JARID2: variants seen among roughly 807,000 people sequenced by gnomAD.
JARID2 encodes protein Jumonji.
A neutral mutation model predicts 125.6 loss-of-function variants in JARID2; 21 were observed. The ratio of observed to expected loss-of-function variants is 0.17; its 90% CI spans 0.12 to 0.24. JARID2 has a LOEUF of 0.24. Among genes scored for constraint, JARID2 ranks in the 10% least tolerant of loss-of-function variants. The pLI, the probability that JARID2 is intolerant of heterozygous loss-of-function variation, is 1.00. For synonymous variants in JARID2, 736 were observed against 661.6 expected (o/e 1.11, Z -1.73); for missense variants, 1,303 against 1,639.6 (o/e 0.79, Z 3.55).
intron 1 of JARID2, among the ~76,000 whole-genome samples, chr6:15,364,263 T>C (rs2127499235): frequency 6.6e-6 from 1 of 152,298 alleles, no homozygotes; most frequent in East Asian, 1.9e-4. Flanking sequence ...GCCGTAATTC[T>C]AACCAGCCCT....
chr6:15,288,901 A>T (rs984803582), intron 1 of JARID2, among the ~76,000 whole-genome samples: 4 of 152,238 alleles, frequency 2.6e-5, no homozygotes, highest in Non-Finnish European at 4.4e-5. Flanking sequence ...TAAAGCAGCT[A>T]GTAAGCTCTG....
intron 1 of JARID2, among the ~76,000 whole-genome samples, chr6:15,321,018 G>A (rs1319668020): frequency 6.6e-6 from 1 of 152,028 alleles, no homozygotes; most frequent in Non-Finnish European, 1.5e-5. Context: ...TGTATCATAT[G>A]AATGATTTCA....
At chr6:15,283,048 G>T (rs1760823373) in intron 1 of JARID2, among the ~76,000 whole-genome samples, 1 of 151,434 alleles carries the variant, frequency 6.6e-6, no homozygotes, top group Non-Finnish European at 1.5e-5. Flanking sequence ...GCGCGATCTT[G>T]GCTCACTGTA....
At chr6:15,297,697 C>T (rs1761464370) in intron 1 of JARID2, among the ~76,000 whole-genome samples, 1 of 152,084 alleles carries the variant, frequency 6.6e-6, no homozygotes, top group Non-Finnish European at 1.5e-5. Context: ...GGTAAGCTCA[C>T]CTCATCCTTT....
intron 1 of JARID2, among the ~76,000 whole-genome samples, chr6:15,306,158 G>A (rs1337271927): frequency 6.6e-6 from 1 of 151,996 alleles, no homozygotes; most frequent in East Asian, 1.9e-4. Flanking sequence ...ATCACAAGTG[G>A]CAGACGCTCT....
chr6:15,337,667 A>AC (rs1309481002), intron 1 of JARID2, among the ~76,000 whole-genome samples: 13 of 126,668 alleles, frequency 1.0e-4, no homozygotes, highest in Admixed American at 3.5e-4. Flanking sequence ...TTCTCCCCCC[A>AC]CCCCCCTGAA....
intron 1 of JARID2, among the ~76,000 whole-genome samples, chr6:15,353,251 G>C (rs1406555013): frequency 6.6e-6 from 1 of 152,206 alleles, no homozygotes; most frequent in African/African-American, 2.4e-5. Context: ...TAGGTGTGAA[G>C]TGGTATCGCA....
chr6:15,372,189 A>G (rs1234731870), intron 1 of JARID2, among the ~76,000 whole-genome samples: 4 of 152,150 alleles, frequency 2.6e-5, no homozygotes, highest in African/African-American at 4.8e-5. Context: ...ATTGAGTCCC[A>G]TGGAAGTTTT....
intron 4 of JARID2, among the ~76,000 whole-genome samples, chr6:15,453,199 G>C (rs1261505879): frequency 1.3e-5 from 2 of 152,210 alleles, no homozygotes; most frequent in East Asian, 3.8e-4. Context: ...TGTTCTGAAG[G>C]TGCTTTGTAA....
At chr6:15,273,202 T>A (rs566567524) in intron 1 of JARID2, among the ~76,000 whole-genome samples, 3 of 152,290 alleles carry the variant, frequency 2.0e-5, no homozygotes, top group African/African-American at 7.2e-5. Context: ...CCTACCCTTA[T>A]TTTAAAATAC....
chr6:15,422,512 A>G (rs999056303), intron 3 of JARID2, among the ~76,000 whole-genome samples: 19 of 152,208 alleles, frequency 1.2e-4, no homozygotes, highest in Non-Finnish European at 2.6e-4. Context: ...TGGGCTGTGC[A>G]TGCTCTGTTT....
chr6:15,498,162 G>A (rs1313955254), intron 7 of JARID2, among the ~76,000 whole-genome samples: 2 of 152,178 alleles, frequency 1.3e-5, no homozygotes, highest in Non-Finnish European at 2.9e-5. Flanking sequence ...ATCCTGCTCA[G>A]CCTTGTCTCT....
chr6:15,447,919 A>G (rs1767745099), intron 3 of JARID2, among the ~76,000 whole-genome samples: 1 of 152,110 alleles, frequency 6.6e-6, no homozygotes, highest in Admixed American at 6.5e-5. Flanking sequence ...ATTTTCCTAT[A>G]TCCAGCATTC....
rs558361113 is a variant in JARID2 at position 15,382,503 on chromosome 6, G to A, written c.181+8251G>A. Among the ~76,000 whole-genome samples the A allele has an allele frequency of 9.8e-5, 15 of 152,300 alleles. No homozygotes were observed. In the South Asian group the frequency reaches 2.9e-3, roughly 29 times the overall value. On this transcript the variant is annotated intron_variant, in intron 2 of 17. Transcript: ENST00000341776. Reference sequence around the variant, plus strand: ...AGTGGGACAAATGGCTGCAATGGCCGGTTTCCGTGGCCAAGTCACTTGTAC... The same window carrying A: ...AGTGGGACAAATGGCTGCAATGGCCAGTTTCCGTGGCCAAGTCACTTGTAC...
intron 2 of JARID2, among the ~76,000 whole-genome samples, chr6:15,390,008 C>T (rs906796866): frequency 2.0e-5 from 3 of 152,158 alleles, no homozygotes; most frequent in Admixed American, 2.0e-4. Context: ...TCTTTGACAA[C>T]TTAAATGAGG....
intron 1 of JARID2, chr6:15,314,984 A>G (rs965673097): frequency 6.6e-6 from 1 of 152,228 alleles, no homozygotes; most frequent in African/African-American, 2.4e-5. Context: ...CATGGCCTGT[A>G]TGCAAGTATG....
chr6:15,313,621 C>T (rs944959285), intron 1 of JARID2, among the ~76,000 whole-genome samples: 4 of 152,010 alleles, frequency 2.6e-5, no homozygotes, highest in East Asian at 1.9e-4. Flanking sequence ...TGCAGTGTGC[C>T]GTACAGATTC....
At chr6:15,315,998 ACGAGTC>A (rs1762167767) in intron 1 of JARID2, among the ~76,000 whole-genome samples, 1 of 151,678 alleles carries the variant, frequency 6.6e-6, no homozygotes, top group African/African-American at 2.4e-5. Flanking sequence ...CACAGTTTAC[ACGAGTC>A]CTGCTTCCTT....
rs1766121190 is a variant in JARID2 at position 15,415,548 on chromosome 6, A to C, written c.323+5183A>C. 2.2e-3 allele frequency among the ~76,000 whole-genome samples: 294 copies of C among 136,632 alleles called. 4 individuals carry two copies. Among genetic ancestry groups the C allele is most frequent in the African/African-American group, 7.9e-3 (254 of 32,204 alleles). 89.6% of individuals were successfully genotyped at this position (136,632 alleles called of 152,430 possible). ...CAGAGGCGCCCCTCACCTCCCGGGC[A>C]GAGGCGCCCCTCACCTCCCGGACGG... On this transcript the variant is annotated intron_variant, in intron 3 of 17. Coordinates refer to ENST00000341776, the MANE Select transcript of JARID2 (RefSeq NM_004973.4).
Sources: gnomAD v4.1 joint callset for allele counts (sites outside exome capture counted in the v4.1 genomes callset) on GRCh38, gnomAD v4.1.1 for gene constraint, MANE v1.5 for transcripts, NCBI Gene and HGNC (gene_info 2026-07-23, HGNC 2026-07-21) for gene names.